ADGRG7: variants seen among roughly 807,000 people sequenced by gnomAD.
ADGRG7 encodes adhesion G protein-coupled receptor G7, also known as G-protein coupled receptor 128.
In ADGRG7, 82 loss-of-function variants were observed where a neutral mutation model predicts 88.6. That is an observed-to-expected ratio of 0.93 (90% CI 0.77 to 1.11). ADGRG7 has a LOEUF of 1.11. Ranked by LOEUF, ADGRG7 falls within the 50% of genes most tolerant of loss-of-function variation. The pLI, the probability that ADGRG7 is intolerant of heterozygous loss-of-function variation, is 0.00. For synonymous variants in ADGRG7, 381 were observed against 345.2 expected, an observed-to-expected ratio of 1.10 and a Z score of -1.15; for missense variants, 945 against 953.4, an observed-to-expected ratio of 0.99 and a Z score of 0.12.
chr3:100,652,987 G>A (rs1042323087), intron 11 of ADGRG7, among the ~76,000 whole-genome samples: 1 of 152,148 alleles, frequency 6.6e-6, no homozygotes, highest in Non-Finnish European at 1.5e-5. Context: ...ATAGTCCTTC[G>A]GAATGATTTA....
At chr3:100,691,136 C>G (rs189096993) in intron 15 of ADGRG7, among the ~76,000 whole-genome samples, 358 of 152,362 alleles carry the variant, frequency 2.3e-3, no homozygotes, top group Middle Eastern at 3.4e-3. Flanking sequence ...AATGAGCAAG[C>G]CTCCATGGGC....
At chr3:100,618,917 TGAA>T (rs1174188445) in intron 1 of ADGRG7, among the ~76,000 whole-genome samples, 2 of 152,336 alleles carry the variant, frequency 1.3e-5, no homozygotes, top group Non-Finnish European at 2.9e-5. Context: ...TAGTTCTCCT[TGAA>T]GAGGTCCTTC....
intron 14 of ADGRG7, among the ~76,000 whole-genome samples, chr3:100,667,585 A>G (rs2094953504): frequency 6.6e-6 from 1 of 152,192 alleles, no homozygotes; most frequent in Non-Finnish European, 1.5e-5. Flanking sequence ...ATTGATGGAC[A>G]TTTGGGTTGG....
Position 100,650,824 on chromosome 3 carries a change from T to A in ADGRG7, c.1379+1017T>A, listed in dbSNP as rs146682633. 1.8e-3 allele frequency among the ~76,000 whole-genome samples: 274 copies of A among 152,340 alleles called. 4 individuals carry two copies. The South Asian group carries it at 0.027, about 15-fold the overall frequency. On this transcript the variant is annotated intron_variant, in intron 11 of 15. Coordinates refer to ENST00000273352, the MANE Select transcript of ADGRG7 (RefSeq NM_032787.3). ...TAATGATCTTGTTACTCATCCTTAC[T>A]GGAACAAATTATTACATTAAGTGGT...
At chr3:100,615,076 G>T (rs982574147) in intron 1 of ADGRG7, among the ~76,000 whole-genome samples, 1 of 152,162 alleles carries the variant, frequency 6.6e-6, no homozygotes, top group Non-Finnish European at 1.5e-5. Context: ...TGCAATCAAT[G>T]GTAAAGGCAG....
chr3:100,639,540 T>C (rs1056856242), intron 6 of ADGRG7, among the ~76,000 whole-genome samples: 6 of 152,176 alleles, frequency 3.9e-5, no homozygotes, highest in African/African-American at 1.2e-4. Context: ...TCATGGAGAA[T>C]GTGGATGTCT....
chr3:100,659,769 C>A lies in ADGRG7; in HGVS notation c.1905C>A (p.Ile635=), dbSNP rs148908147. 2 of 1,613,988 alleles carry A rather than the reference C, an allele frequency of 1.2e-6. No individual in the cohort carries two copies. The highest frequency in any genetic ancestry group is 1.1e-5 in the South Asian group (1 of 91,070). Reference sequence around the variant, plus strand: ...CATTCATCGTACCTGTAACCATTATCCTCATCAGCAATGTTGTTATGTTTA... The same window carrying A: ...CATTCATCGTACCTGTAACCATTATACTCATCAGCAATGTTGTTATGTTTA... The part of the protein sequence containing the change: ...LWSFIVPVTI[I]LISNVVMFIT... Residue 635 remains isoleucine, a synonymous_variant, in exon 14 of 16, where the codon ATC becomes ATA. Coordinates refer to ENST00000273352, the MANE Select transcript of ADGRG7 (RefSeq NM_032787.3).
At chr3:100,659,466 G>T (rs912173295) in intron 13 of ADGRG7, among the ~76,000 whole-genome samples, 11 of 139,312 alleles carry the variant, frequency 7.9e-5, no homozygotes, top group Admixed American at 7.9e-4. Flanking sequence ...AAAAAAAAAG[G>T]CCCATCAATA....
intron 10 of ADGRG7, among the ~76,000 whole-genome samples, chr3:100,647,617 T>G (rs371455625): frequency 6.6e-6 from 1 of 152,226 alleles, no homozygotes; most frequent in Non-Finnish European, 1.5e-5. Context: ...CAGCTGTGCA[T>G]GCGTCTCTCA....
At chr3:100,647,578 A>G (rs1429427912) in intron 10 of ADGRG7, among the ~76,000 whole-genome samples, 1 of 152,172 alleles carries the variant, frequency 6.6e-6, no homozygotes. Context: ...ATACTGTGCA[A>G]GTAACTGATA....
intron 14 of ADGRG7, among the ~76,000 whole-genome samples, chr3:100,666,195 A>G (rs2149033710): frequency 6.6e-6 from 1 of 152,152 alleles, no homozygotes; most frequent in East Asian, 1.9e-4. Flanking sequence ...AGGTGGAATG[A>G]GAGACTTGGA....
At chr3:100,692,920 A>T (rs2094996311) in intron 15 of ADGRG7, among the ~76,000 whole-genome samples, 1 of 152,150 alleles carries the variant, frequency 6.6e-6, no homozygotes, top group Non-Finnish European at 1.5e-5. Flanking sequence ...ATGTACACTA[A>T]AGTGTAGGAA....
intron 6 of ADGRG7, among the ~76,000 whole-genome samples, chr3:100,642,382 T>G (rs1707655618): frequency 6.6e-6 from 1 of 152,240 alleles, no homozygotes; most frequent in South Asian, 2.1e-4. Flanking sequence ...CGAATGATGA[T>G]TATGTTCTCT....
chr3:100,684,186 A>C (rs1271720133), intron 15 of ADGRG7, among the ~76,000 whole-genome samples: 1 of 150,456 alleles, frequency 6.6e-6, no homozygotes, highest in African/African-American at 2.4e-5. Flanking sequence ...TTTGGTTTTA[A>C]CTTATCTCTT....
At chr3:100,655,331 G>A (rs1365375481) in intron 12 of ADGRG7, 150 bp downstream of exon 12, 1 of 587,690 alleles carries the variant, frequency 1.7e-6, no homozygotes, top group Non-Finnish European at 2.9e-6. Context: ...GTTCCGTCTA[G>A]TAGCTTATAT....
At chr3:100,686,520 A>G (rs1459611456) in intron 15 of ADGRG7, among the ~76,000 whole-genome samples, 1 of 152,188 alleles carries the variant, frequency 6.6e-6, no homozygotes, top group African/African-American at 2.4e-5. Flanking sequence ...TCTAACATTT[A>G]AGTATTTAAT....
intron 11 of ADGRG7, 46 bp downstream of exon 11, chr3:100,649,853 G>A (rs375458766): frequency 9.6e-7 from 1 of 1,042,916 alleles, no homozygotes; most frequent in Non-Finnish European, 1.5e-6. Context: ...TTGCTATCTT[G>A]ATATAATTTA....
intron 15 of ADGRG7, among the ~76,000 whole-genome samples, chr3:100,677,883 A>G (rs6441402): frequency 0.34 from 50,948 of 151,772 alleles, 9,031 homozygotes; most frequent in South Asian, 0.48. Flanking sequence ...GAATTTTATT[A>G]TTATATCTTG....
At chr3:100,678,071 G>T (rs7629279) in intron 15 of ADGRG7, among the ~76,000 whole-genome samples, 49,323 of 151,438 alleles carry the variant, frequency 0.33, 8,661 homozygotes, top group South Asian at 0.48. Flanking sequence ...TTTCCCTTAG[G>T]GGCTATTTTC....
Sources: allele counts gnomAD v4.1 joint callset (sites outside exome capture counted in the v4.1 genomes callset), GRCh38; gene constraint gnomAD v4.1.1; transcripts MANE v1.5; gene names NCBI Gene and HGNC (gene_info 2026-07-23, HGNC 2026-07-21).